Variants in SPON1 observed in about 807,000 individuals in gnomAD.
SPON1 encodes spondin-1.
A neutral mutation model predicts 111.7 loss-of-function variants in SPON1; 52 were observed. That is an observed-to-expected ratio of 0.47 (90% CI 0.37 to 0.59). The LOEUF is 0.59. Among genes scored for constraint, SPON1 ranks in the 20% least tolerant of loss-of-function variants. SPON1 has a pLI of 0.00. For missense variants in SPON1, 957 were observed against 1,068.5 expected, an observed-to-expected ratio of 0.90 and a Z score of 1.46; for synonymous variants, 410 against 395.8, an observed-to-expected ratio of 1.04 and a Z score of -0.43.
intron 2 of SPON1, among the ~76,000 whole-genome samples, chr11:13,990,315 C>A (rs560484746): frequency 2.4e-5 from 3 of 122,912 alleles, no homozygotes; most frequent in Non-Finnish European, 5.1e-5. Context: ...TTCTTTGTCT[C>A]TTTTGATCTT....
intron 2 of SPON1, among the ~76,000 whole-genome samples, chr11:14,017,814 A>G (rs562896057): frequency 6.6e-5 from 10 of 152,318 alleles, no homozygotes; most frequent in African/African-American, 2.4e-4. Context: ...GGGACTACCT[A>G]AGTGTCTTGA....
chr11:14,068,971 T>TAA (rs1848854469), intron 3 of SPON1, among the ~76,000 whole-genome samples: 1 of 152,212 alleles, frequency 6.6e-6, no homozygotes, highest in African/African-American at 2.4e-5. Context: ...GTTGTACAAT[T>TAA]ATACTTAAGT....
chr11:13,971,078 TTC>T (rs1848059836), intron 1 of SPON1, among the ~76,000 whole-genome samples: 1 of 152,228 alleles, frequency 6.6e-6, no homozygotes, highest in African/African-American at 2.4e-5. Context: ...GGGAAGGTAT[TTC>T]TCTCTCAGCC....
intron 14 of SPON1, among the ~76,000 whole-genome samples, chr11:14,261,644 T>C (rs1554941916): frequency 6.6e-6 from 1 of 152,058 alleles, no homozygotes; most frequent in Non-Finnish European, 1.5e-5. Context: ...TGGGTGGAGG[T>C]AACTTGGACC....
intron 5 of SPON1, among the ~76,000 whole-genome samples, chr11:14,090,216 A>C (rs1333999955): frequency 6.6e-6 from 1 of 151,824 alleles, no homozygotes; most frequent in Non-Finnish European, 1.5e-5. Context: ...AAAAAAAAAA[A>C]AAAAACTGCA....
At chr11:14,141,519 G>A (rs1226896567) in intron 6 of SPON1, among the ~76,000 whole-genome samples, 2 of 152,126 alleles carry the variant, frequency 1.3e-5, no homozygotes, top group African/African-American at 2.4e-5. Context: ...GATAATGGTG[G>A]ACCCTAATAC....
intron 2 of SPON1, among the ~76,000 whole-genome samples, chr11:13,984,335 T>C (rs1848165952): frequency 6.6e-6 from 1 of 152,174 alleles, no homozygotes; most frequent in African/African-American, 2.4e-5. Context: ...TTTGTGTTTC[T>C]CTAACAAAAC....
intron 2 of SPON1, among the ~76,000 whole-genome samples, chr11:14,007,602 C>A (rs1439160670): frequency 6.6e-6 from 1 of 152,196 alleles, no homozygotes; most frequent in Non-Finnish European, 1.5e-5. Context: ...TCTCCTTTCG[C>A]AACACCCTCA....
intron 15 of SPON1, among the ~76,000 whole-genome samples, chr11:14,264,933 T>G (rs1189987282): frequency 6.6e-6 from 1 of 152,112 alleles, no homozygotes; most frequent in Non-Finnish European, 1.5e-5. Context: ...GAGAAAGTGG[T>G]TTAGTGTTCC....
intron 1 of SPON1, among the ~76,000 whole-genome samples, chr11:13,968,894 G>A (rs909042060): frequency 2.0e-5 from 3 of 152,120 alleles, no homozygotes; most frequent in Non-Finnish European, 4.4e-5. Flanking sequence ...GTAGCCACAT[G>A]CCCAGCTAAA....
intron 2 of SPON1, among the ~76,000 whole-genome samples, chr11:14,036,828 A>T (rs764949870): frequency 4.5e-4 from 69 of 152,136 alleles, no homozygotes; most frequent in Non-Finnish European, 7.9e-4. Flanking sequence ...GGGGGAGGGC[A>T]CCAAGAAGGA....
intron 6 of SPON1, among the ~76,000 whole-genome samples, chr11:14,178,045 A>AC (rs1848197407): frequency 8.4e-5 from 12 of 142,710 alleles, no homozygotes; most frequent in South Asian, 4.7e-4. Flanking sequence ...CACACACACA[A>AC]ACACACACAC....
intron 6 of SPON1, among the ~76,000 whole-genome samples, chr11:14,237,043 A>T (rs560807089): frequency 1.3e-5 from 2 of 152,312 alleles, no homozygotes; most frequent in South Asian, 4.2e-4. Flanking sequence ...TGACCTGAGA[A>T]GCCCAGAGGC....
rs146212931 is a variant in SPON1 at position 14,137,217 on chromosome 11, A to G, written c.825+1649A>G. Among the ~76,000 whole-genome samples, 7 of 152,332 alleles carry G rather than the reference A, an allele frequency of 4.6e-5. No homozygotes were observed. The East Asian group carries it at 1.3e-3, about 29-fold the overall frequency. On this transcript the variant is annotated intron_variant, in intron 6 of 15. Coordinates refer to ENST00000576479, the MANE Select transcript of SPON1 (RefSeq NM_006108.4). ...TGGTGAACATTATCTGACATGTCAT[A>G]GCAATAAAAAGATTGAAAACTCATG...
At chr11:14,207,123 C>T (rs7929716) in intron 6 of SPON1, among the ~76,000 whole-genome samples, 51,356 of 151,956 alleles carry the variant, frequency 0.34, 9,039 homozygotes, top group Admixed American at 0.44. Context: ...CTGACAAAAA[C>T]AAGCAATGGG....
At chr11:14,020,470 G>A (rs1190295426) in intron 2 of SPON1, among the ~76,000 whole-genome samples, 2 of 152,322 alleles carry the variant, frequency 1.3e-5, no homozygotes, top group East Asian at 3.9e-4. Context: ...GCAGTTGGTA[G>A]GCGTGCAAAT....
chr11:14,237,103 C>A (rs1371722206), intron 6 of SPON1, among the ~76,000 whole-genome samples: 1 of 152,204 alleles, frequency 6.6e-6, no homozygotes, highest in Non-Finnish European at 1.5e-5. Context: ...TTTAAAGATG[C>A]TTACAGCCCC....
At chr11:14,076,693 G>A (rs1848920920) in intron 4 of SPON1, among the ~76,000 whole-genome samples, 1 of 152,140 alleles carries the variant, frequency 6.6e-6, no homozygotes, top group African/African-American at 2.4e-5. Context: ...CATTGCCTTT[G>A]ACAGATCAAT....
intron 5 of SPON1, among the ~76,000 whole-genome samples, chr11:14,114,173 C>A (rs914428107): frequency 2.0e-5 from 3 of 151,638 alleles, no homozygotes; most frequent in Admixed American, 1.3e-4. Context: ...TTTTTTGTAC[C>A]CACTAACCAT....
Sources: gnomAD v4.1 joint callset for allele counts (sites outside exome capture counted in the v4.1 genomes callset) on GRCh38, gnomAD v4.1.1 for gene constraint, MANE v1.5 for transcripts, NCBI Gene and HGNC (gene_info 2026-07-23, HGNC 2026-07-21) for gene names.